Variants in UBN2 observed in about 807,000 individuals in gnomAD.
UBN2 encodes ubinuclein-2.
In UBN2, 35 loss-of-function variants were observed where a neutral mutation model predicts 120.2. The ratio of observed to expected loss-of-function variants is 0.29; its 90% CI spans 0.22 to 0.39. The LOEUF (loss-of-function observed/expected upper bound fraction) is 0.39. Among genes scored for constraint, UBN2 ranks in the 10% least tolerant of loss-of-function variants. UBN2 has a pLI of 1.00. For synonymous variants in UBN2, 661 were observed against 648.7 expected (o/e 1.02, Z -0.29); for missense variants, 1,693 against 1,663.2 (o/e 1.02, Z -0.31).
At chr7:139,286,267 T>C (rs1169926962) in intron 15 of UBN2, among the ~76,000 whole-genome samples, 1 of 152,172 alleles carries the variant, frequency 6.6e-6, no homozygotes, top group African/African-American at 2.4e-5. Flanking sequence ...TTTTACCATG[T>C]TGACTGGGCT....
chr7:139,244,727 A>G (rs1036463953), intron 2 of UBN2, among the ~76,000 whole-genome samples: 3 of 152,038 alleles, frequency 2.0e-5, no homozygotes, highest in African/African-American at 7.2e-5. Flanking sequence ...TTCATAGATG[A>G]GAATATCCTG....
intron 2 of UBN2, among the ~76,000 whole-genome samples, chr7:139,245,097 CTTTTTTT>C (rs537219130): frequency 1.1e-4 from 11 of 100,334 alleles, no homozygotes; most frequent in Admixed American, 1.2e-4. Context: ...CCATGCCCAG[CTTTTTTT>C]TTTTTTTTTT....
At chr7:139,282,406 T>C (rs10270269) in intron 14 of UBN2, among the ~76,000 whole-genome samples, 2,571 of 152,270 alleles carry the variant, frequency 0.017, 83 homozygotes, top group African/African-American at 0.059. Context: ...GGACACTTAG[T>C]GGATATATAT....
chr7:139,291,556 A>G (rs1335327819), intron 15 of UBN2, among the ~76,000 whole-genome samples: 1 of 152,130 alleles, frequency 6.6e-6, no homozygotes, highest in East Asian at 1.9e-4. Context: ...TGCACATGGA[A>G]AAGAAAAATG....
chr7:139,287,496 T>C (rs1255522602), intron 15 of UBN2, among the ~76,000 whole-genome samples: 1 of 152,178 alleles, frequency 6.6e-6, no homozygotes, highest in Non-Finnish European at 1.5e-5. Flanking sequence ...CTGTATTTCA[T>C]TATTGATTGC....
the UBN2 span, among the ~76,000 whole-genome samples, chr7:139,330,076 G>A: frequency 6.6e-6 from 1 of 152,068 alleles, no homozygotes; most frequent in Non-Finnish European, 1.5e-5. Context: ...CTCCCCCTAA[G>A]AAAATCCCCA....
At chr7:139,326,342 G>T in the UBN2 span, among the ~76,000 whole-genome samples, 3 of 152,202 alleles carry the variant, frequency 2.0e-5, no homozygotes, top group Non-Finnish European at 2.9e-5. Flanking sequence ...CGTTGAAAAT[G>T]GCAGAACCCT....
Position 139,301,169 on chromosome 7 carries a change from G to C in UBN2, c.*3333G>C, listed in dbSNP as rs750269663. The C allele has an allele frequency of 6.6e-6, 1 of 152,126 alleles. No homozygotes were observed. The highest frequency in any genetic ancestry group is 1.5e-5 in the Non-Finnish European group (1 of 68,042). 9.4% of individuals were successfully genotyped at this position (152,126 alleles called of 1,614,324 possible). A position where few individuals can be genotyped will look rare whatever the true frequency, so the allele number is the denominator to read the frequency against. The stretch of plus-strand genomic sequence containing the variant: ...TGAATAGGGTTTATTGAATCAGGAA[G>C]GTAAGGGGAAGAACCGGGCACATAT... On this transcript the variant is annotated 3_prime_UTR_variant, in exon 18 of 18. Transcript: ENST00000473989.
At chr7:139,247,316 A>G (rs1371724079) in intron 2 of UBN2, among the ~76,000 whole-genome samples, 3 of 152,212 alleles carry the variant, frequency 2.0e-5, no homozygotes, top group African/African-American at 7.2e-5. Context: ...GGCAGAAAAA[A>G]TAGTAAGGAT....
chr7:139,284,669 G>A (rs1797729844), intron 15 of UBN2, 95 bp downstream of exon 15: 1 of 1,127,476 alleles, frequency 8.9e-7, no homozygotes, highest in Admixed American at 2.7e-5. Flanking sequence ...ATGATATGTG[G>A]ATTGTTCTCA....
rs753259765 is a variant in UBN2 at position 139,279,329 on chromosome 7, A to G, written c.2036A>G (p.Lys679Arg). 3 of 1,608,926 alleles carry G rather than the reference A, an allele frequency of 1.9e-6. No homozygotes were observed. The highest frequency in any genetic ancestry group is 2.5e-6 in the Non-Finnish European group (3 of 1,178,212). ...TCTTTTTATCTTAGGGCAAAGAAAA[A>G]GGTGATTCCTGCACCTAAACCCAAA... ...NHLTSAPAKK[K>R]VIPAPKPKVK... The change falls in exon 13 of 18, where the codon AAG becomes AGG. Residue 679 changes from lysine to arginine, a missense_variant. Around this residue, in one of 5 missense-constraint regions of UBN2, gnomAD observed 837 missense variants for 817.6 expected, o/e 1.02. Coordinates refer to ENST00000473989, the MANE Select transcript of UBN2 (RefSeq NM_173569.4).
Position 139,281,284 on chromosome 7 carries a change from T to G in UBN2, c.2068-721T>G, listed in dbSNP as rs146244570. Among the ~76,000 whole-genome samples the G allele has an allele frequency of 6.1e-3, 928 of 152,294 alleles. 6 individuals are homozygous for G. The highest frequency in any genetic ancestry group is 0.02 in the African/African-American group (851 of 41,554). On this transcript the variant is annotated intron_variant, in intron 13 of 17. Coordinates refer to ENST00000473989, the MANE Select transcript of UBN2 (RefSeq NM_173569.4). ...AAATGGAAAAGCTATACTGTTAATGTGGTTTTTTTCTACTGTAACTCCCCA... is the reference window on the plus strand; with the variant it reads ...AAATGGAAAAGCTATACTGTTAATGGGGTTTTTTTCTACTGTAACTCCCCA...
intron 6 of UBN2, 59 bp from the exon 7 acceptor site, chr7:139,266,274 G>T: frequency 1.0e-4 from 91 of 881,058 alleles, no homozygotes; most frequent in Middle Eastern, 5.4e-4. Context: ...CGTGTCCTAA[G>T]AATGCAAAAT....
At chr7:139,253,606 A>G (rs1262372538) in intron 3 of UBN2, among the ~76,000 whole-genome samples, 1 of 152,228 alleles carries the variant, frequency 6.6e-6, no homozygotes, top group African/African-American at 2.4e-5. Context: ...ATTGAGCCCT[A>G]CAGCTTTTCC....
intron 15 of UBN2, among the ~76,000 whole-genome samples, chr7:139,290,972 A>AT (rs1283395393): frequency 6.6e-6 from 1 of 152,224 alleles, no homozygotes; most frequent in Non-Finnish European, 1.5e-5. Flanking sequence ...TCAGTCCTTA[A>AT]TTAATAATGC....
At position 139,231,931 on chromosome 7, in the gene UBN2, G is replaced by A; in HGVS notation, c.447G>A (p.Leu149=). The A allele has an allele frequency of 6.3e-7, 1 of 1,584,144 alleles. No individual in the cohort carries two copies. The highest frequency in any genetic ancestry group is 8.5e-7 in the Non-Finnish European group (1 of 1,171,662). ...GCGTGGAGTTCAGTTACCCGGAGCTGCTGCTGTGCGGAGAACAACGGGTAC... is the reference window on the plus strand; with the variant it reads ...GCGTGGAGTTCAGTTACCCGGAGCTACTGCTGTGCGGAGAACAACGGGTAC... ...ESCVEFSYPE[L]LLCGEQRKKL... Residue 149 remains leucine (L), a synonymous_variant, in exon 1 of 18, where the codon CTG becomes CTA. Coordinates refer to ENST00000473989, the MANE Select transcript of UBN2 (RefSeq NM_173569.4).
rs571106597 is a variant in UBN2 at position 139,304,872 on chromosome 7, A to G, written c.*7036A>G. On this transcript the variant is annotated 3_prime_UTR_variant, in exon 18 of 18. Transcript: ENST00000473989. ...CCTGTCTTTTCCATTCTCAGATAAC[A>G]AATGTTAAGACCCAAAGAAATAAGG... The G allele has an allele frequency of 4.6e-5, 7 of 152,114 alleles. No individual in the cohort carries two copies. In the East Asian group the frequency reaches 1.4e-3, roughly 29 times the overall value. 9.4% of individuals were successfully genotyped at this position (152,114 alleles called of 1,614,324 possible). A position where few individuals can be genotyped will look rare whatever the true frequency, so the allele number is the denominator to read the frequency against.
rs747406338 is a variant in UBN2, at chr7:139,284,267, G to A, written c.3362G>A (p.Arg1121Lys). ...HKQPSGMNIS[R>K]QSPTLNLLPS... The stretch of plus-strand genomic sequence containing the variant: ...CAGCCCAGTGGAATGAACATCAGCA[G>A]ACAGTCTCCCACCTTGAATTTATTG... Residue 1121 changes from arginine (R) to lysine (K), a missense_variant, in exon 15 of 18, where the codon AGA becomes AAA. This residue lies in a region of UBN2 where 837 missense variants were observed against 817.6 expected (regional missense o/e 1.02). Transcript: ENST00000473989. The A allele has an allele frequency of 4.3e-6, 7 of 1,614,070 alleles. No individual in the cohort carries two copies. The highest frequency in any genetic ancestry group is 3.4e-6 in the Non-Finnish European group (4 of 1,180,040).
the UBN2 span, among the ~76,000 whole-genome samples, chr7:139,319,211 T>G: frequency 3.3e-5 from 5 of 152,056 alleles, no homozygotes; most frequent in African/African-American, 1.2e-4. Context: ...GCTTCCCGAG[T>G]AGCTGGGATT....
Sources: allele counts gnomAD v4.1 joint callset (sites outside exome capture counted in the v4.1 genomes callset), GRCh38; gene constraint gnomAD v4.1.1; regional missense constraint gnomAD v4.1.1; transcripts MANE v1.5; gene names NCBI Gene and HGNC (gene_info 2026-07-23, HGNC 2026-07-21).